NT5DC4: variants seen among roughly 807,000 people sequenced by gnomAD.
NT5DC4 encodes the protein 5'-nucleotidase domain containing 4, also known as 5'-nucleotidase domain-containing protein 4.
NT5DC4 carries 44 observed loss-of-function variants against 26.6 expected under a neutral mutation model. The ratio of observed to expected loss-of-function variants is 1.65; its 90% CI spans 1.30 to 2.13. The LOEUF (loss-of-function observed/expected upper bound fraction) is 2.13, where lower values mean the gene tolerates loss of function less well. Among genes scored for constraint, NT5DC4 ranks in the 30% most tolerant of loss-of-function variants. NT5DC4 has a pLI of 0.00. For synonymous variants in NT5DC4, 157 were observed against 86.7 expected (o/e 1.81, Z -4.51); for missense variants, 399 against 228.1 (o/e 1.75, Z -4.83).
chr2:112,723,361 G>GCACGCACACACACA, intron 7 of NT5DC4, 57 bp from the exon 8 acceptor site: 2 of 636,794 alleles, frequency 3.1e-6, no homozygotes, highest in East Asian at 2.8e-5. Flanking sequence ...GGGTACACAT[G>GCACGCACACACACA]CACACACACA....
At chr2:112,739,113 T>G, downstream of NT5DC4, 3 of 1,255,726 alleles carry the variant, frequency 2.4e-6, no homozygotes, top group South Asian at 2.6e-5. Context: ...TATTATTTTT[T>G]GTTTCTTATT....
At position 112,721,974 on chromosome 2, in the gene NT5DC4, G is replaced by T. The variant is rs771878856; in HGVS notation, c.149-12G>T. 2.9e-5 allele frequency: 21 copies of T among 717,166 alleles called. No individual in the cohort carries two copies. The highest frequency in any genetic ancestry group is 5.5e-5 in the Non-Finnish European group (21 of 385,086). 44.4% of individuals were successfully genotyped at this position (717,166 alleles called of 1,614,324 possible). ...GGGCACCAAAGCCCTGATTCTGTCCGGGCCTCTGCAGCCTACAAGTCCCCA... is the reference window on the plus strand; with the variant it reads ...GGGCACCAAAGCCCTGATTCTGTCCTGGCCTCTGCAGCCTACAAGTCCCCA... On this transcript the variant is annotated splice_polypyrimidine_tract_variant and intron_variant, in intron 2 of 16. Transcript: ENST00000688554.
At chr2:112,719,976 TTCTTTCTTTC>T (rs1487988760), upstream of NT5DC4, among the ~76,000 whole-genome samples, 1 of 126,378 alleles carries the variant, frequency 7.9e-6, no homozygotes. Context: ...CTTTCTTTCT[TTCTTTCTTTC>T]TTTTTCTTTT....
intron 6 of NT5DC4, 43 bp from the exon 7 acceptor site, chr2:112,723,038 G>A: frequency 1.5e-6 from 1 of 684,702 alleles, no homozygotes; most frequent in South Asian, 1.6e-5. Flanking sequence ...GGTCATTTCA[G>A]GCCCCCTTAT....
intron 15 of NT5DC4, 79 bp from the exon 16 acceptor site, chr2:112,729,548 G>A: frequency 1.4e-6 from 1 of 708,048 alleles, no homozygotes. Context: ...GGGCAGGGGA[G>A]CCTGTGCATA....
chr2:112,728,708 A>G (rs552299537), intron 15 of NT5DC4, among the ~76,000 whole-genome samples: 12 of 152,270 alleles, frequency 7.9e-5, no homozygotes, highest in African/African-American at 2.9e-4. Flanking sequence ...GGTGCTTTTC[A>G]TCGATTATGC....
At chr2:112,720,586 C>T (rs958315059), upstream of NT5DC4, among the ~76,000 whole-genome samples, 1 of 152,218 alleles carries the variant, frequency 6.6e-6, no homozygotes, top group African/African-American at 2.4e-5. Flanking sequence ...CAGTTATCTT[C>T]CCAATTCTTA....
At chr2:112,738,482 A>G (rs963863091) in intron 16 of NT5DC4, 1 of 228,174 alleles carries the variant, frequency 4.4e-6, no homozygotes, top group African/African-American at 2.3e-5. Flanking sequence ...CAGAAAGAAA[A>G]GTCCCATTAT....
intron 15 of NT5DC4, chr2:112,727,247 G>C (rs1182304517): frequency 5.4e-6 from 1 of 186,688 alleles, no homozygotes; most frequent in Non-Finnish European, 1.2e-5. Flanking sequence ...AAGGGTCTTT[G>C]CAGAGCCTTT....
downstream of NT5DC4, among the ~76,000 whole-genome samples, chr2:112,739,680 G>A (rs1161464726): frequency 6.6e-6 from 1 of 152,084 alleles, no homozygotes; most frequent in Non-Finnish European, 1.5e-5. Flanking sequence ...TTAAAGACAG[G>A]GTCTCACTCT....
At chr2:112,719,825 C>CCCTT (rs113627327), upstream of NT5DC4, among the ~76,000 whole-genome samples, 6 of 106,236 alleles carry the variant, frequency 5.6e-5, no homozygotes, top group African/African-American at 1.8e-4. Context: ...CCTTTCCTTT[C>CCCTT]CCTTCCTTCC....
chr2:112,741,090 C>T (rs1679917637), downstream of NT5DC4: 2 of 877,304 alleles, frequency 2.3e-6, no homozygotes, highest in Non-Finnish European at 3.6e-6. Context: ...AAAATACATA[C>T]ATACAATGAT....
chr2:112,739,421 C>CA (rs1160233663), downstream of NT5DC4, among the ~76,000 whole-genome samples: 3 of 151,276 alleles, frequency 2.0e-5, no homozygotes, highest in East Asian at 1.9e-4. Flanking sequence ...ACCCCAGTCT[C>CA]AAAAAAAAGG....
At chr2:112,719,890 CTTTCTTTCTTTCTT>C (rs1676676823), upstream of NT5DC4, among the ~76,000 whole-genome samples, 1 of 48,008 alleles carries the variant, frequency 2.1e-5, no homozygotes, top group Non-Finnish European at 3.7e-5. Flanking sequence ...TCTTTCTTTC[CTTTCTTTCTTTCTT>C]TTTCTTTCTT....
intron 13 of NT5DC4, 141 bp from the exon 14 acceptor site, chr2:112,726,097 G>A (rs1036748110): frequency 6.6e-5 from 43 of 652,496 alleles, no homozygotes; most frequent in African/African-American, 4.1e-4. Context: ...AGAGTCTCAC[G>A]TGATGTAAGG....
At chr2:112,726,336 T>C in intron 14 of NT5DC4, 47 bp downstream of exon 14, 1 of 716,742 alleles carries the variant, frequency 1.4e-6, no homozygotes, top group Non-Finnish European at 2.6e-6. Flanking sequence ...GGGAGAGGTA[T>C]GGAGGGGCAG....
In NT5DC4 at chr2:112,724,933, C is replaced by T. The variant is rs115139602; in HGVS notation, c.915+27C>T. On this transcript the variant is annotated intron_variant, in intron 11 of 16. Transcript: ENST00000688554. ...TCAGTCCACCTGCACCCATGGACCA[C>T]GGTTGGGGAGGGCAGCCTGCCTGCC... 1.5e-3 allele frequency: 1,046 copies of T among 715,276 alleles called. 6 individuals are homozygous for T. In the African/African-American group the frequency reaches 0.016, roughly 11 times the overall value. The allele number at this position is 715,276 out of a possible 1,614,324, so 44.3% of individuals were successfully genotyped here. A position where few individuals can be genotyped will look rare whatever the true frequency, so the allele number is the denominator to read the frequency against.
chr2:112,730,662 T>C (rs1678381185), intron 16 of NT5DC4, among the ~76,000 whole-genome samples: 1 of 152,232 alleles, frequency 6.6e-6, no homozygotes, highest in African/African-American at 2.4e-5. Context: ...CCCTTGGCTT[T>C]CTGGGGGCTC....
chr2:112,730,156 T>C (rs1431383508), intron 16 of NT5DC4, among the ~76,000 whole-genome samples: 1 of 151,492 alleles, frequency 6.6e-6, no homozygotes, highest in African/African-American at 2.4e-5. Context: ...CTATTAAAAA[T>C]ACAAAAATTA....
Sources: allele counts gnomAD v4.1 joint callset (sites outside exome capture counted in the v4.1 genomes callset), GRCh38; gene constraint gnomAD v4.1.1; transcripts MANE v1.5; gene names NCBI Gene and HGNC (gene_info 2026-07-23, HGNC 2026-07-21).